Variants in AKR7A2 observed in about 807,000 individuals in gnomAD.
AKR7A2 encodes aflatoxin B1 aldehyde reductase member 2.
AKR7A2 carries 29 observed loss-of-function variants against 37.3 expected under a neutral mutation model. The ratio of observed to expected loss-of-function variants is 0.78; its 90% CI spans 0.58 to 1.06. The LOEUF (loss-of-function observed/expected upper bound fraction) is 1.06, where lower values mean the gene tolerates loss of function less well. Ranked by LOEUF, AKR7A2 falls within the 50% of genes least tolerant of loss-of-function variation. The probability of loss-of-function intolerance (pLI) is 0.00; values close to 1 mark genes in which losing one functional copy is unlikely to be tolerated. For missense variants in AKR7A2, 529 were observed against 497.9 expected, an observed-to-expected ratio of 1.06 and a Z score of -0.59; for synonymous variants, 228 against 217.8, an observed-to-expected ratio of 1.05 and a Z score of -0.41.
At chr1:19,306,951 A>G (rs1406575131) in intron 5 of AKR7A2, 51 bp downstream of exon 5, 1 of 1,523,842 alleles carries the variant, frequency 6.6e-7, no homozygotes, top group East Asian at 2.3e-5. Context: ...TTCATTCCAC[A>G]TAGATTTGAC....
Position 19,304,282 on chromosome 1 carries a change from A to G in AKR7A2, c.1023T>C (p.Asp341=), listed in dbSNP as rs768158025. 6.8e-6 allele frequency: 11 copies of G among 1,614,002 alleles called. No homozygotes were observed. Among genetic ancestry groups the G allele is most frequent in the South Asian group, 4.4e-5 (4 of 91,068 alleles). ...CCAAATGCCAGGCTTGATTAAAGGC[A>G]TCCACGACAGCCGGCTCCAGGGGCC... ...EEGPLEPAVV[D]AFNQAWHLVA... The change falls in exon 7 of 7, where the codon GAT becomes GAC. Residue 341 remains aspartate, a synonymous_variant. Transcript: ENST00000235835.
rs758672151 is a variant in AKR7A2 at position 19,311,898 on chromosome 1, A to G, written c.227T>C (p.Met76Thr). Reference sequence around the variant, plus strand: ...GGTCTCGGACTGGCCGTCGCTGTACATGAAGGCCGTGTCCAGTTCGGTGTG... The same window carrying G: ...GGTCTCGGACTGGCCGTCGCTGTACGTGAAGGCCGTGTCCAGTTCGGTGTG... ...RGHTELDTAF[M>T]YSDGQSETIL... Residue 76 changes from methionine (M) to threonine (T), a missense_variant, in exon 1 of 7, where the codon ATG (methionine) becomes ACG (threonine). By Grantham distance (81) the Met-to-Thr change is moderately conservative. Transcript: ENST00000235835. The G allele has an allele frequency of 1.2e-6, 2 of 1,610,704 alleles. No homozygotes were observed. Among genetic ancestry groups the G allele is most frequent in the East Asian group, 2.2e-5 (1 of 44,856 alleles).
chr1:19,304,522 G>C, intron 6 of AKR7A2, 136 bp from the exon 7 acceptor site: 1 of 1,497,964 alleles, frequency 6.7e-7, no homozygotes, highest in Non-Finnish European at 9.2e-7. Context: ...AAGGACTTAA[G>C]GTGCCTTGGA....
At chr1:19,307,227 G>C in intron 4 of AKR7A2, 87 bp downstream of exon 4, 1 of 1,602,238 alleles carries the variant, frequency 6.2e-7, no homozygotes, top group Non-Finnish European at 8.5e-7. Flanking sequence ...CCAGCCTCTT[G>C]TCAAACCCTC....
Position 19,304,311 on chromosome 1 carries a change from C to A in AKR7A2, c.994G>T (p.Glu332Ter). ...ACGACAGCCGGCTCCAGGGGCCCTT[C>A]CTCTGTTGCTGCCAAGTTCTGCTCC... Reference protein sequence around the residue: ...QLEQNLAATEEGPLEPAVVDA... With the variant: ...QLEQNLAATE Residue 332 changes from glutamate to a stop codon, truncating the protein, a stop_gained, in exon 7 of 7, where the codon GAA (glutamate) becomes TAA (stop). Transcript: ENST00000235835. LOFTEE classifies it high-confidence loss of function. 1 of 1,614,162 alleles carries A rather than the reference C, an allele frequency of 6.2e-7. No individual in the cohort carries two copies. The highest frequency in any genetic ancestry group is 8.5e-7 in the Non-Finnish European group (1 of 1,180,042).
chr1:19,303,823 G>A (rs1036515537), downstream of AKR7A2: 22 of 328,598 alleles, frequency 6.7e-5, no homozygotes, highest in African/African-American at 4.7e-4. Context: ...CAGACCAGGG[G>A]CCCGAGGAGA....
At chr1:19,307,462 T>C (rs2093763890) in intron 3 of AKR7A2, 52 bp from the exon 4 acceptor site, 3 of 1,593,274 alleles carry the variant, frequency 1.9e-6, no homozygotes, top group Admixed American at 1.7e-5. Context: ...GAGAAGGAAC[T>C]GTTGCCTTCC....
At chr1:19,310,754 T>G (rs77957193) in intron 1 of AKR7A2, among the ~76,000 whole-genome samples, 4 of 150,338 alleles carry the variant, frequency 2.7e-5, no homozygotes, top group African/African-American at 9.8e-5. Context: ...TTTGCCCTCT[T>G]TTCCCCCCGA....
intron 1 of AKR7A2, 50 bp downstream of exon 1, chr1:19,311,777 A>T: frequency 1.2e-6 from 2 of 1,605,928 alleles, no homozygotes; most frequent in Non-Finnish European, 1.7e-6. Context: ...ACGGCTGGGG[A>T]CAGGCTCAGC....
Position 19,312,024 on chromosome 1 carries a change from G to A in AKR7A2, c.101C>T (p.Pro34Leu). Residue 34 changes from proline (P) to leucine (L), a missense_variant, in exon 1 of 7, where the codon CCG becomes CTG. Transcript: ENST00000235835. ...EARALAMSRP[P>L]PPRVASVLGT... is the part of the protein sequence containing the mutation. ...CAGCACCGAGGCGACCCGCGGTGGC[G>A]GTGGCCGGGACATGGCGAGCGCGCG... 1 of 1,450,652 alleles carries A rather than the reference G, an allele frequency of 6.9e-7. No homozygotes were observed. 89.9% of individuals were successfully genotyped at this position (1,450,652 alleles called of 1,614,324 possible). A position where few individuals can be genotyped will look rare whatever the true frequency, so the allele number is the denominator to read the frequency against.
In AKR7A2 at chr1:19,305,165, T is replaced by C. The variant is rs189737927; in HGVS notation, c.919-779A>G. ...TGTATCATTCCAATTTTAGTATATG[T>C]GCTGTCGATGCAGGCATGACATTCA... is the stretch of plus-strand genomic sequence containing the variant. On this transcript the variant is annotated intron_variant, in intron 6 of 6. Coordinates refer to ENST00000235835, the MANE Select transcript of AKR7A2 (RefSeq NM_003689.4). 3.5e-3 allele frequency: 541 copies of C among 154,574 alleles called. 5 individuals are homozygous for C. The highest frequency in any genetic ancestry group is 0.013 in the African/African-American group (521 of 41,568). 9.6% of individuals were successfully genotyped at this position (154,574 alleles called of 1,614,324 possible). A position where few individuals can be genotyped will look rare whatever the true frequency, so the allele number is the denominator to read the frequency against.
At position 19,307,408 on chromosome 1, in the gene AKR7A2, G is replaced by T; in HGVS notation, c.594C>A (p.Gly198=). The T allele has an allele frequency of 1.2e-6, 2 of 1,614,168 alleles. No homozygotes were observed. The highest frequency in any genetic ancestry group is 1.7e-6 in the Non-Finnish European group (2 of 1,180,000). ...NGWILPTVYQ[G]MYNATTRQVE... Reference sequence around the variant, plus strand: ...CCTGCCGGGTGGTGGCGTTGTACATGCCCTGCAGGGAGAGGGACCCCGGGG... The same window carrying T: ...CCTGCCGGGTGGTGGCGTTGTACATTCCCTGCAGGGAGAGGGACCCCGGGG... The change falls in exon 4 of 7, where the codon GGC becomes GGA. Residue 198 remains glycine (G), a splice_region_variant and synonymous_variant. Coordinates refer to ENST00000235835, the MANE Select transcript of AKR7A2 (RefSeq NM_003689.4).
chr1:19,311,980 G>T lies in AKR7A2; in HGVS notation c.145C>A (p.Arg49Ser), dbSNP rs370409740. ...ASVLGTMEMG[R>S]RMDAPASAAA... Reference sequence around the variant, plus strand: ...GCGCTGGCGGGCGCGTCCATGCGGCGCCCCATCTCCATGGTGCCCAGCACC... The same window carrying T: ...GCGCTGGCGGGCGCGTCCATGCGGCTCCCCATCTCCATGGTGCCCAGCACC... The change falls in exon 1 of 7, where the codon CGC becomes AGC. Residue 49 changes from arginine (R) to serine (S), a missense_variant. Coordinates refer to ENST00000235835, the MANE Select transcript of AKR7A2 (RefSeq NM_003689.4). 23 of 1,557,372 alleles carry T rather than the reference G, an allele frequency of 1.5e-5. No individual in the cohort carries two copies. The highest frequency in any genetic ancestry group is 1.9e-5 in the Admixed American group (1 of 52,006).
Position 19,304,241 on chromosome 1 carries a change from G to A in AKR7A2, c.1064C>T (p.Pro355Leu), listed in dbSNP as rs758307671. 6.2e-7 allele frequency: 1 copy of A among 1,614,134 alleles called. No homozygotes were observed. The highest frequency in any genetic ancestry group is 8.5e-7 in the Non-Finnish European group (1 of 1,180,016). Residue 355 changes from proline to leucine, a missense_variant, in exon 7 of 7, where the codon CCC (proline) becomes CTC (leucine). Pro to Leu is a moderately conservative substitution (Grantham distance 98, BLOSUM62 -3). Transcript: ENST00000235835. ...ATGATGGGCCTAGCGGAAGTAGTTG[G>A]GACATTCGTGAGCAACCAAATGCCA... ...QAWHLVAHEC[P>L]NYFR
In AKR7A2 at chr1:19,308,514, G is replaced by A; in HGVS notation, c.427C>T (p.Pro143Ser). 2 of 1,614,212 alleles carry A rather than the reference G, an allele frequency of 1.2e-6. No individual in the cohort carries two copies. The highest frequency in any genetic ancestry group is 1.7e-6 in the Non-Finnish European group (2 of 1,180,034). ...TCTTCCACCGGGGTGCCGTGGTCAG[G>A]TGCGTGTAGGTAGAAGAGGTCCACT... ...PQVDLFYLHA[P>S]DHGTPVEETL... The change falls in exon 2 of 7, where the codon CCT (proline) becomes TCT (serine). Residue 143 changes from proline (P) to serine (S), a missense_variant. Physicochemically the swap from Pro to Ser is moderately conservative, Grantham distance 74. Transcript: ENST00000235835.
intron 3 of AKR7A2, chr1:19,307,692 C>G: frequency 1.8e-6 from 1 of 549,800 alleles, no homozygotes; most frequent in Non-Finnish European, 3.3e-6. Flanking sequence ...GATGTTTACT[C>G]AAGTTTAAAA....
chr1:19,308,613 C>T lies in AKR7A2; in HGVS notation c.328G>A (p.Asp110Asn), dbSNP rs1176248160. 3.7e-6 allele frequency: 6 copies of T among 1,614,174 alleles called. No individual in the cohort carries two copies. The highest frequency in any genetic ancestry group is 1.7e-5 in the Admixed American group (1 of 60,024). ...CTGTCAGGCTTTAGTGATTTTCCAT[C>T]CCAAGGGTTGGCCTTGGTGGCAATT... ...VKIATKANPW[D>N]GKSLKPDSVR... The change falls in exon 2 of 7, where the codon GAT becomes AAT. Residue 110 changes from aspartate to asparagine, a missense_variant. Transcript: ENST00000235835.
chr1:19,307,429 C>T lies in AKR7A2; in HGVS notation c.592-19G>A, dbSNP rs755338579. 27 of 1,613,608 alleles carry T rather than the reference C, an allele frequency of 1.7e-5. No individual in the cohort carries two copies. The highest frequency in any genetic ancestry group is 8.9e-5 in the East Asian group (4 of 44,864). ...ACATGCCCTGCAGGGAGAGGGACCC[C>T]GGGGACAGGGTGGACATGTCAAGAG... On this transcript the variant is annotated intron_variant, in intron 3 of 6. Coordinates refer to ENST00000235835, the MANE Select transcript of AKR7A2 (RefSeq NM_003689.4).
intron 4 of AKR7A2, 101 bp from the exon 5 acceptor site, chr1:19,307,202 G>A (rs1433129907): frequency 1.3e-6 from 2 of 1,593,402 alleles, no homozygotes; most frequent in Non-Finnish European, 1.7e-6. Context: ...CCCAGGAGGG[G>A]CTGAAGAACA....
Sources: gnomAD v4.1 joint callset for allele counts (sites outside exome capture counted in the v4.1 genomes callset) on GRCh38, gnomAD v4.1.1 for gene constraint, MANE v1.5 for transcripts, NCBI Gene and HGNC (gene_info 2026-07-23, HGNC 2026-07-21) for gene names.